SCAI: variants seen among roughly 807,000 people sequenced by gnomAD.
SCAI encodes protein SCAI.
SCAI carries 24 observed loss-of-function variants against 92.2 expected under a neutral mutation model. That is an observed-to-expected ratio of 0.26 (90% confidence interval 0.19 to 0.37). The LOEUF (loss-of-function observed/expected upper bound fraction) is 0.37, where lower values mean the gene tolerates loss of function less well. Ranked by LOEUF, SCAI falls within the 10% of genes least tolerant of loss-of-function variation. SCAI has a pLI of 1.00. For synonymous variants in SCAI, 261 were observed against 258.6 expected (o/e 1.01, Z -0.09); for missense variants, 450 against 736.2 (o/e 0.61, Z 4.50).
intron 14 of SCAI, among the ~76,000 whole-genome samples, chr9:124,992,333 G>C (rs1046305286): frequency 1.3e-5 from 2 of 151,754 alleles, no homozygotes; most frequent in Admixed American, 1.3e-4. Flanking sequence ...GACTAAAATT[G>C]GTCTGTGCCA....
chr9:125,073,092 A>ATTTTTT lies in SCAI; in HGVS notation c.99-17091_99-17086dup, dbSNP rs764858681. 1.3e-3 allele frequency among the ~76,000 whole-genome samples: 92 copies of ATTTTTT among 72,480 alleles called. 13 individuals carry two copies. The highest frequency in any genetic ancestry group is 2.4e-3 in the African/African-American group (45 of 18,512). 47.5% of individuals were successfully genotyped at this position (72,480 alleles called of 152,430 possible). On this transcript the variant is annotated intron_variant, in intron 2 of 17. Transcript: ENST00000336505. The stretch of plus-strand genomic sequence containing the variant: ...GGATCATATGAGGATTCTATTTTTA[A>ATTTTTT]TTTTTTTTTTTTTTTTTTTTTTTTT...
intron 17 of SCAI, chr9:124,968,909 A>C: frequency 2.3e-6 from 1 of 430,840 alleles, no homozygotes. Flanking sequence ...TCCAAACTGT[A>C]GGAAATCTCC....
rs186367308 is a variant in SCAI, at chr9:124,987,437, C to T, written c.1326+7497G>A. Reference sequence around the variant, plus strand: ...GGCAATCTAAGAGCCAAAATATGGGCCATACTTGTTACACAAATATTGGTA... The same window carrying T: ...GGCAATCTAAGAGCCAAAATATGGGTCATACTTGTTACACAAATATTGGTA... On this transcript the variant is annotated intron_variant, in intron 14 of 17. Transcript: ENST00000336505. Among the ~76,000 whole-genome samples, 508 of 152,240 alleles carry T rather than the reference C, an allele frequency of 3.3e-3. 2 individuals carry two copies. Among genetic ancestry groups the T allele is most frequent in the Middle Eastern group, 0.01 (3 of 294 alleles).
chr9:125,063,873 C>T (rs944552225), intron 2 of SCAI, among the ~76,000 whole-genome samples: 4 of 151,900 alleles, frequency 2.6e-5, no homozygotes, highest in Admixed American at 1.3e-4. Context: ...CCTGCCTCAG[C>T]CTCCCAAGTA....
intron 17 of SCAI, among the ~76,000 whole-genome samples, chr9:124,956,818 T>C (rs192176475): frequency 5.3e-5 from 8 of 152,238 alleles, no homozygotes; most frequent in Admixed American, 3.3e-4. Flanking sequence ...AGCCCTGATA[T>C]AAAGCACTAA....
intron 13 of SCAI, among the ~76,000 whole-genome samples, chr9:124,997,650 C>A (rs891209871): frequency 1.3e-5 from 2 of 151,710 alleles, no homozygotes; most frequent in Admixed American, 6.6e-5. Flanking sequence ...CCAAAGCAGG[C>A]GGATCACTTG....
At chr9:124,978,204 G>A (rs1831801870) in intron 14 of SCAI, among the ~76,000 whole-genome samples, 1 of 152,212 alleles carries the variant, frequency 6.6e-6, no homozygotes, top group Non-Finnish European at 1.5e-5. Flanking sequence ...CACTTTGGGA[G>A]GCAGAGGTGG....
In SCAI at chr9:124,978,045, C is replaced by T. The variant is rs1831798536; in HGVS notation, c.1327-1859G>A. 2.6e-5 allele frequency among the ~76,000 whole-genome samples: 4 copies of T among 152,164 alleles called. 1 individual carries two copies. The South Asian group carries it at 8.3e-4, about 32-fold the overall frequency. ...AACCTAGTTACATAAAAATCAAAAG[C>T]TTATGAATGGTAAAATATAGCATAA... On this transcript the variant is annotated intron_variant, in intron 14 of 17. Coordinates refer to ENST00000336505, the MANE Select transcript of SCAI (RefSeq NM_001144877.3).
In SCAI at chr9:125,048,716, ATT is replaced by A. The variant is rs1833496707; in HGVS notation, c.230+7158_230+7159del. Reference sequence around the variant, plus strand: ...TTCTTAAGTTGAATACTGGGAGCATATTTATTTATTTATTTATTTATTTAATT... The same window carrying A: ...TTCTTAAGTTGAATACTGGGAGCATATATTTATTTATTTATTTATTTAATT... On this transcript the variant is annotated intron_variant, in intron 3 of 17. Coordinates refer to ENST00000336505, the MANE Select transcript of SCAI (RefSeq NM_001144877.3). Among the ~76,000 whole-genome samples, 3 of 286 alleles carry A rather than the reference ATT, an allele frequency of 0.01. No individual in the cohort carries two copies. The South Asian group carries it at 0.38, about 36-fold the overall frequency. The allele number at this position is 286 out of a possible 152,430, so 0.2% of individuals were successfully genotyped here.
chr9:124,968,696 A>G (rs1747971121), intron 17 of SCAI: 2 of 1,381,176 alleles, frequency 1.4e-6, no homozygotes, highest in Non-Finnish European at 2.1e-6. Flanking sequence ...ATTTCCTCAA[A>G]TTCATCAAAT....
intron 3 of SCAI, among the ~76,000 whole-genome samples, chr9:125,052,673 A>G (rs1369319315): frequency 6.6e-6 from 1 of 152,134 alleles, no homozygotes; most frequent in Non-Finnish European, 1.5e-5. Flanking sequence ...ATAAGAGAAT[A>G]TATATTTGCA....
chr9:125,048,448 T>A (rs958147606), intron 3 of SCAI, among the ~76,000 whole-genome samples: 2 of 152,180 alleles, frequency 1.3e-5, no homozygotes, highest in African/African-American at 4.8e-5. Flanking sequence ...ATAACATGGT[T>A]ATTTATTTCA....
chr9:125,053,784 A>C (rs1488774676), intron 3 of SCAI, among the ~76,000 whole-genome samples: 2 of 152,192 alleles, frequency 1.3e-5, no homozygotes, highest in Admixed American at 1.3e-4. Flanking sequence ...TTTCAACTGT[A>C]AACTTTGAAT....
intron 2 of SCAI, among the ~76,000 whole-genome samples, chr9:125,064,741 G>A (rs1265589872): frequency 1.3e-5 from 2 of 152,094 alleles, no homozygotes; most frequent in East Asian, 3.9e-4. Context: ...AGCTACTTGG[G>A]AGGCTGAGGC....
Position 124,951,561 on chromosome 9 carries a change from T to C in SCAI, c.*1246A>G, listed in dbSNP as rs1207820439. 4 of 152,090 alleles carry C rather than the reference T, an allele frequency of 2.6e-5. No individual in the cohort carries two copies. The highest frequency in any genetic ancestry group is 7.2e-5 in the African/African-American group (3 of 41,426). 9.4% of individuals were successfully genotyped at this position (152,090 alleles called of 1,614,324 possible). A position where few individuals can be genotyped will look rare whatever the true frequency, so the allele number is the denominator to read the frequency against. On this transcript the variant is annotated 3_prime_UTR_variant, in exon 18 of 18. Transcript: ENST00000336505. Reference sequence around the variant, plus strand: ...TACCTAGGGCCATGGGAAAGAGATATCAAAAGCAATCAGCTCACTTCTCCT... The same window carrying C: ...TACCTAGGGCCATGGGAAAGAGATACCAAAAGCAATCAGCTCACTTCTCCT...
At chr9:125,132,316 G>T (rs975829326) in intron 2 of SCAI, among the ~76,000 whole-genome samples, 2 of 151,892 alleles carry the variant, frequency 1.3e-5, no homozygotes, top group Admixed American at 6.6e-5. Context: ...GTTTCATCAC[G>T]TTAGCCAGGC....
intron 14 of SCAI, among the ~76,000 whole-genome samples, chr9:124,977,502 C>T (rs1027513683): frequency 2.0e-5 from 3 of 151,930 alleles, no homozygotes; most frequent in South Asian, 2.1e-4. Flanking sequence ...AGTGAGACCC[C>T]GACTCTACAA....
chr9:125,096,161 G>C (rs911271648), intron 2 of SCAI, among the ~76,000 whole-genome samples: 1 of 152,170 alleles, frequency 6.6e-6, no homozygotes, highest in Non-Finnish European at 1.5e-5. Context: ...GGGTTTAATG[G>C]GGGTGCCTCA....
chr9:125,073,412 A>C (rs898598809), intron 2 of SCAI, among the ~76,000 whole-genome samples: 246 of 151,894 alleles, frequency 1.6e-3, no homozygotes, highest in African/African-American at 5.7e-3. Flanking sequence ...CCCTATTTTT[A>C]ATTTTTTGAG....
Sources: allele counts gnomAD v4.1 joint callset (sites outside exome capture counted in the v4.1 genomes callset), GRCh38; gene constraint gnomAD v4.1.1; transcripts MANE v1.5; gene names NCBI Gene and HGNC (gene_info 2026-07-23, HGNC 2026-07-21).